The following TENM3 variants were observed in gnomAD, a reference collection of about 807,000 sequenced individuals.
The protein encoded by TENM3 is teneurin transmembrane protein 3.
TENM3 carries 63 observed loss-of-function variants against 255.1 expected under a neutral mutation model. The observed-to-expected ratio is 0.25, with a 90% CI of 0.20 to 0.30. The LOEUF (loss-of-function observed/expected upper bound fraction) is 0.30, where lower values mean the gene tolerates loss of function less well. TENM3 is among the 10% of genes least tolerant of loss of function. TENM3 has a pLI of 1.00. For missense variants in TENM3, 2,929 were observed against 3,461.1 expected (o/e 0.85, Z 3.86); for synonymous variants, 1,306 against 1,322.3 (o/e 0.99, Z 0.27).
the TENM3 span, among the ~76,000 whole-genome samples, chr4:181,546,630 C>A: frequency 0.32 from 39,150 of 122,104 alleles, 7,407 homozygotes; most frequent in East Asian, 0.44. Flanking sequence ...AGGAGAATGG[C>A]GTGAACCCGG....
chr4:182,116,273 A>G, the TENM3 span, among the ~76,000 whole-genome samples: 1 of 152,156 alleles, frequency 6.6e-6, no homozygotes. Flanking sequence ...AATGTCATAT[A>G]GTTGGAATCA....
chr4:182,201,694 G>C (rs773076862), intron 1 of TENM3, among the ~76,000 whole-genome samples: 1 of 152,112 alleles, frequency 6.6e-6, no homozygotes, highest in Non-Finnish European at 1.5e-5. Flanking sequence ...AAGGCAAGCA[G>C]AGCTACTGGA....
chr4:182,474,639 C>A (rs2151474832), intron 3 of TENM3, among the ~76,000 whole-genome samples: 1 of 152,214 alleles, frequency 6.6e-6, no homozygotes, highest in African/African-American at 2.4e-5. Context: ...TTTAAAAGAC[C>A]TGTTAAACTG....
At chr4:182,194,251 G>A (rs534105669) in intron 1 of TENM3, among the ~76,000 whole-genome samples, 2 of 142,674 alleles carry the variant, frequency 1.4e-5, no homozygotes, top group Admixed American at 1.4e-4. Flanking sequence ...TTTTGTCCTC[G>A]TTGTTTCTGA....
intron 3 of TENM3, among the ~76,000 whole-genome samples, chr4:182,361,634 A>G (rs1765992578): frequency 6.6e-6 from 1 of 151,532 alleles, no homozygotes; most frequent in Admixed American, 6.6e-5. Context: ...AATTTTTTTC[A>G]AAGTTTTTAA....
intron 1 of TENM3, among the ~76,000 whole-genome samples, chr4:182,248,898 C>T (rs555731548): frequency 4.1e-4 from 63 of 152,278 alleles, no homozygotes; most frequent in African/African-American, 1.3e-3. Flanking sequence ...TCCCCAAACA[C>T]CTTTAGGCCT....
At chr4:182,583,612 TATAA>T (rs1051219538) in intron 3 of TENM3, among the ~76,000 whole-genome samples, 5 of 152,142 alleles carry the variant, frequency 3.3e-5, no homozygotes, top group African/African-American at 1.2e-4. Context: ...CTAATTTTTA[TATAA>T]GTAAGATTCT....
At chr4:182,405,295 A>G (rs1391950857) in intron 3 of TENM3, among the ~76,000 whole-genome samples, 1 of 152,152 alleles carries the variant, frequency 6.6e-6, no homozygotes, top group African/African-American at 2.4e-5. Flanking sequence ...CTCACAGTAG[A>G]TGTTGCGTAA....
rs367756285 is a variant in TENM3 at position 182,638,034 on chromosome 4, A to ATTT, written c.988+9157_988+9159dup. On this transcript the variant is annotated intron_variant, in intron 5 of 27. Transcript: ENST00000511685. Reference sequence around the variant, plus strand: ...AATTTATCCATGTGTTAGGGGAAAAATTTTTTTTTTTTTTAGTTTTCATTA... The same window carrying ATTT: ...AATTTATCCATGTGTTAGGGGAAAAATTTTTTTTTTTTTTTTTAGTTTTCATTA... 1.3e-4 allele frequency among the ~76,000 whole-genome samples: 19 copies of ATTT among 150,802 alleles called. No individual in the cohort carries two copies. In the South Asian group the frequency reaches 3.3e-3, roughly 26 times the overall value.
the TENM3 span, among the ~76,000 whole-genome samples, chr4:181,647,268 T>C: frequency 3.3e-5 from 5 of 152,200 alleles, no homozygotes; most frequent in Admixed American, 2.6e-4. Flanking sequence ...ACATACACGT[T>C]GATTTTGTTT....
At chr4:181,604,524 G>A in the TENM3 span, among the ~76,000 whole-genome samples, 1 of 152,112 alleles carries the variant, frequency 6.6e-6, no homozygotes, top group Non-Finnish European at 1.5e-5. Context: ...AGCCTCAAAT[G>A]GGATGGCTGT....
intron 17 of TENM3, 130 bp from the exon 18 acceptor site, chr4:182,738,271 C>G: frequency 1.4e-6 from 1 of 694,038 alleles, no homozygotes; most frequent in East Asian, 3.0e-5. Flanking sequence ...AAAAAATAAA[C>G]TGCTCATAAA....
At chr4:181,676,464 T>C in the TENM3 span, among the ~76,000 whole-genome samples, 1 of 152,042 alleles carries the variant, frequency 6.6e-6, no homozygotes, top group Non-Finnish European at 1.5e-5. Context: ...ATACAAATGG[T>C]CCTGTCACCC....
chr4:181,749,350 T>C, the TENM3 span, among the ~76,000 whole-genome samples: 1 of 152,136 alleles, frequency 6.6e-6, no homozygotes, highest in African/African-American at 2.4e-5. Context: ...TGGGGTCCTT[T>C]AAAATCAGTG....
chr4:182,712,614 T>A lies in TENM3; in HGVS notation c.2222-1473T>A, dbSNP rs112480351. ...TCCATGAGAGACAGTCGAAATAGTCTTCTTTCTGTTAACTCTAATCTTAAG... is the reference window on the plus strand; with the variant it reads ...TCCATGAGAGACAGTCGAAATAGTCATCTTTCTGTTAACTCTAATCTTAAG... On this transcript the variant is annotated intron_variant, in intron 12 of 27. Coordinates refer to ENST00000511685, the MANE Select transcript of TENM3 (RefSeq NM_001080477.4). 6.5e-4 allele frequency among the ~76,000 whole-genome samples: 99 copies of A among 152,310 alleles called. 2 individuals carry two copies. In the South Asian group the frequency reaches 0.02, roughly 31 times the overall value.
upstream of TENM3, among the ~76,000 whole-genome samples, chr4:182,239,087 C>CT (rs1456829815): frequency 1.1e-5 from 1 of 93,372 alleles, no homozygotes; most frequent in African/African-American, 4.1e-5. Flanking sequence ...TTTTTTTTTT[C>CT]TTTTTTTGAG....
chr4:182,011,961 C>T, the TENM3 span, among the ~76,000 whole-genome samples: 1 of 152,166 alleles, frequency 6.6e-6, no homozygotes, highest in African/African-American at 2.4e-5. Context: ...TAAGCCCATT[C>T]AAAGAGACTT....
the TENM3 span, among the ~76,000 whole-genome samples, chr4:181,811,799 C>G: frequency 6.6e-6 from 1 of 152,322 alleles, no homozygotes; most frequent in South Asian, 2.1e-4. Context: ...GTCCTTGACA[C>G]TTGGGGATTA....
At chr4:181,545,160 A>C in the TENM3 span, among the ~76,000 whole-genome samples, 33 of 152,214 alleles carry the variant, frequency 2.2e-4, no homozygotes, top group African/African-American at 8.0e-4. Context: ...GGAGCAAGTT[A>C]TTAGGTTTGA....
Sources: allele counts gnomAD v4.1 joint callset (sites outside exome capture counted in the v4.1 genomes callset), GRCh38; gene constraint gnomAD v4.1.1; transcripts MANE v1.5; gene names NCBI Gene and HGNC (gene_info 2026-07-23, HGNC 2026-07-21).